TFDP1: variants seen among roughly 807,000 people sequenced by gnomAD.
TFDP1 encodes the protein DRTF1-polypeptide 1.
A neutral mutation model predicts 48.0 loss-of-function variants in TFDP1; 6 were observed. That is an observed-to-expected ratio of 0.13 (90% CI 0.07 to 0.25). The LOEUF is 0.25. TFDP1 is among the 10% of genes least tolerant of loss of function. TFDP1 has a pLI of 1.00. For synonymous variants in TFDP1, 201 were observed against 211.6 expected (o/e 0.95, Z 0.44); for missense variants, 335 against 543.0 (o/e 0.62, Z 3.81).
At chr13:113,615,802 C>T (rs2048842804) in intron 3 of TFDP1, among the ~76,000 whole-genome samples, 2 of 152,124 alleles carry the variant, frequency 1.3e-5, no homozygotes, top group African/African-American at 2.4e-5. Context: ...GTCCCAGCTA[C>T]TTGGGAGGCT....
Position 113,639,403 on chromosome 13 carries a change from A to C in TFDP1, c.1086-717A>C, listed in dbSNP as rs971241330. Among the ~76,000 whole-genome samples the C allele has an allele frequency of 3.3e-5, 5 of 152,358 alleles. No individual in the cohort carries two copies. The East Asian group carries it at 7.7e-4, about 23-fold the overall frequency. On this transcript the variant is annotated intron_variant, in intron 11 of 11. Transcript: ENST00000375370. ...ATGAGACATTTTATACAAGTACCTC[A>C]TGAAAGGACATCTAGGTAGTTCCCA...
intron 2 of TFDP1, among the ~76,000 whole-genome samples, chr13:113,593,476 G>A (rs1182065468): frequency 5.6e-5 from 8 of 141,772 alleles, no homozygotes; most frequent in East Asian, 2.2e-4. Context: ...TGGTGTGCGC[G>A]GGTCCTCAGC....
At chr13:113,602,970 T>TAAA (rs113416797) in intron 2 of TFDP1, among the ~76,000 whole-genome samples, 6 of 67,220 alleles carry the variant, frequency 8.9e-5, no homozygotes, top group African/African-American at 4.7e-4. Context: ...ATAGTTGAGC[T>TAAA]AAAAAAAAAA....
intron 3 of TFDP1, among the ~76,000 whole-genome samples, chr13:113,613,147 G>C (rs1781722034): frequency 6.6e-6 from 1 of 152,204 alleles, no homozygotes; most frequent in Non-Finnish European, 1.5e-5. Context: ...CTCCAGAGTA[G>C]CTGGGATTAG....
chr13:113,613,193 T>G (rs2048749919), intron 3 of TFDP1, among the ~76,000 whole-genome samples: 1 of 152,162 alleles, frequency 6.6e-6, no homozygotes. Context: ...ATTTTGTATT[T>G]TTAGTAGAGA....
intron 4 of TFDP1, among the ~76,000 whole-genome samples, chr13:113,625,441 A>G (rs111930475): frequency 0.098 from 3,996 of 40,656 alleles, 221 homozygotes; most frequent in African/African-American, 0.24. Flanking sequence ...TGTCTCTCAC[A>G]TGTCCTCAGG....
chr13:113,605,416 T>C (rs1021947622), intron 2 of TFDP1, among the ~76,000 whole-genome samples: 1 of 152,224 alleles, frequency 6.6e-6, no homozygotes, highest in Admixed American at 6.5e-5. Flanking sequence ...GTATTACTTA[T>C]CTATTGCTGT....
chr13:113,614,317 G>A (rs545805761), intron 3 of TFDP1, among the ~76,000 whole-genome samples: 1 of 152,290 alleles, frequency 6.6e-6, no homozygotes, highest in Admixed American at 6.5e-5. Flanking sequence ...ACAGACACCT[G>A]TCTTCACTAG....
intron 2 of TFDP1, among the ~76,000 whole-genome samples, chr13:113,605,785 G>C (rs1305962764): frequency 6.6e-6 from 1 of 152,240 alleles, no homozygotes. Context: ...TCAGTTCAGG[G>C]AGGAGAAGGT....
Position 113,631,465 on chromosome 13 carries a change from A to G in TFDP1, c.187-158A>G, listed in dbSNP as rs773859217. Among the ~76,000 whole-genome samples the G allele has an allele frequency of 6.0e-4, 91 of 152,274 alleles. 1 individual carries two copies. The highest frequency in any genetic ancestry group is 1.9e-4 in the Non-Finnish European group (13 of 68,016). On this transcript the variant is annotated intron_variant, in intron 4 of 11. Transcript: ENST00000375370. ...GTGGGGTGATGCCGTCACCGTGACA[A>G]AAGCGTCCACCGCTGGACGTTTTTC...
Position 113,640,387 on chromosome 13 carries a change from A to C in TFDP1, c.*120A>C. ...CCAAGAAGATATTGGTAAGCTATTG[A>C]ATTTAGATATGCACCTCTGATAAGC... On this transcript the variant is annotated 3_prime_UTR_variant, in exon 12 of 12. Transcript: ENST00000375370. 1 of 1,466,750 alleles carries C rather than the reference A, an allele frequency of 6.8e-7. No homozygotes were observed. The highest frequency in any genetic ancestry group is 9.0e-7 in the Non-Finnish European group (1 of 1,105,812). 90.9% of individuals were successfully genotyped at this position (1,466,750 alleles called of 1,614,324 possible).
chr13:113,623,606 C>A lies in TFDP1; in HGVS notation c.186+320C>A, dbSNP rs376474337. ...GCAGCTTCCTTTTAGTGTCAGAGCTCGAAGCTCTTCATCTAACAGGGGCTT... is the reference window on the plus strand; with the variant it reads ...GCAGCTTCCTTTTAGTGTCAGAGCTAGAAGCTCTTCATCTAACAGGGGCTT... On this transcript the variant is annotated intron_variant, in intron 4 of 11. Coordinates refer to ENST00000375370, the MANE Select transcript of TFDP1 (RefSeq NM_007111.5). This position sits in a 1 kb window ranked among gnomAD's most constrained non-coding sequence, Gnocchi z 5.2. Among the ~76,000 whole-genome samples, 2 of 152,218 alleles carry A rather than the reference C, an allele frequency of 1.3e-5. No individual in the cohort carries two copies. Among genetic ancestry groups the A allele is most frequent in the South Asian group, 4.1e-4 (2 of 4,826 alleles).
intron 4 of TFDP1, among the ~76,000 whole-genome samples, chr13:113,628,607 C>T (rs1226749506): frequency 8.5e-5 from 13 of 152,232 alleles, no homozygotes; most frequent in African/African-American, 3.1e-4. Context: ...CCCACAGCCT[C>T]CCAGCTTTGG....
chr13:113,608,394 C>T (rs2048621733), intron 2 of TFDP1, among the ~76,000 whole-genome samples: 1 of 152,196 alleles, frequency 6.6e-6, no homozygotes, highest in African/African-American at 2.4e-5. Flanking sequence ...GGAGTGCAGA[C>T]ACCATACAGG....
At chr13:113,591,560 A>C (rs2048147534) in intron 2 of TFDP1, among the ~76,000 whole-genome samples, 1 of 152,236 alleles carries the variant, frequency 6.6e-6, no homozygotes, top group Non-Finnish European at 1.5e-5. Flanking sequence ...CTCGATTTGC[A>C]GTAGAAGTAT....
In TFDP1 at chr13:113,598,967, G is replaced by A. The variant is rs1163796331; in HGVS notation, c.13-12029G>A. 1.3e-5 allele frequency among the ~76,000 whole-genome samples: 2 copies of A among 152,184 alleles called. No homozygotes were observed. The highest frequency in any genetic ancestry group is 6.5e-5 in the Admixed American group (1 of 15,284). ...GAAAATGGAAAGTTTATTTAAAAACGTAGGGTGCAGAAAGGTGTCAGAAAG... is the reference window on the plus strand; with the variant it reads ...GAAAATGGAAAGTTTATTTAAAAACATAGGGTGCAGAAAGGTGTCAGAAAG... On this transcript the variant is annotated intron_variant, in intron 2 of 11. Coordinates refer to ENST00000375370, the MANE Select transcript of TFDP1 (RefSeq NM_007111.5). The surrounding 1 kb of genome is among the most constrained non-coding windows in gnomAD (Gnocchi z 4.2).
chr13:113,619,585 T>C (rs1290448751), intron 3 of TFDP1, among the ~76,000 whole-genome samples: 2 of 151,802 alleles, frequency 1.3e-5, no homozygotes, highest in Non-Finnish European at 2.9e-5. Context: ...GGGTCTGAGA[T>C]GTATTCAGGG....
In TFDP1 at chr13:113,611,001, T is replaced by C. The variant is rs2048696209; in HGVS notation, c.18T>C (p.Gly6=). ...TGTTTTGTTGCTTTCCGCAGGCCGG[T>C]CTAATTGAAGCCAACGGAGAACTCA... The part of the protein sequence containing the change: MAKDA[G]LIEANGELKV... Residue 6 remains glycine, a synonymous_variant, in exon 3 of 12, where the codon GGT becomes GGC. Coordinates refer to ENST00000375370, the MANE Select transcript of TFDP1 (RefSeq NM_007111.5). The C allele has an allele frequency of 6.2e-7, 1 of 1,614,012 alleles. No homozygotes were observed. Among genetic ancestry groups the C allele is most frequent in the Non-Finnish European group, 8.5e-7 (1 of 1,179,986 alleles).
At position 113,632,565 on chromosome 13, in the gene TFDP1, C is replaced by G. The variant is rs1479538617; in HGVS notation, c.309-555C>G. ...GGCCGAGGCCAGCAGATCACGAGTT[C>G]AAGAGATTGAGACCATCCTGGCCAA... On this transcript the variant is annotated intron_variant, in intron 5 of 11. Transcript: ENST00000375370. 2.0e-5 allele frequency among the ~76,000 whole-genome samples: 3 copies of G among 152,164 alleles called. No homozygotes were observed. The East Asian group carries it at 5.8e-4, about 29-fold the overall frequency.
Sources: allele counts gnomAD v4.1 joint callset (sites outside exome capture counted in the v4.1 genomes callset), GRCh38; gene constraint gnomAD v4.1.1; non-coding constraint Gnocchi (gnomAD v3.1); transcripts MANE v1.5; gene names NCBI Gene and HGNC (gene_info 2026-07-23, HGNC 2026-07-21).